PHC2: variants seen among roughly 807,000 people sequenced by gnomAD.
PHC2 encodes polyhomeotic-like protein 2.
Under a neutral mutation model 87.4 loss-of-function variants are expected in PHC2, and 29 were observed. The ratio of observed to expected loss-of-function variants is 0.33; its 90% CI spans 0.25 to 0.45. PHC2 has a LOEUF of 0.45. Ranked by LOEUF, PHC2 falls within the 20% of genes least tolerant of loss-of-function variation. The probability of loss-of-function intolerance (pLI) is 1.00; values close to 1 mark genes in which losing one functional copy is unlikely to be tolerated. For synonymous variants in PHC2, 438 were observed against 461.7 expected (o/e 0.95, Z 0.66); for missense variants, 857 against 1,136.7 (o/e 0.75, Z 3.54).
intron 1 of PHC2, among the ~76,000 whole-genome samples, chr1:33,414,704 T>A (rs372723247): frequency 6.6e-6 from 1 of 152,230 alleles, no homozygotes. Flanking sequence ...GTATGCTAGA[T>A]AGCAAGGTGG....
At chr1:33,346,586 G>A in intron 9 of PHC2, 1 of 985,152 alleles carries the variant, frequency 1.0e-6, no homozygotes, top group Non-Finnish European at 1.2e-6. Context: ...AAAAACTCTT[G>A]GTAAACACCG....
chr1:33,360,359 C>T (rs944782660), intron 7 of PHC2, among the ~76,000 whole-genome samples: 8 of 152,278 alleles, frequency 5.3e-5, no homozygotes, highest in Non-Finnish European at 1.2e-4. Flanking sequence ...TGCATCTCTG[C>T]CCCTACCCTG....
In PHC2 at chr1:33,363,708, C is replaced by A. The variant is rs374993046; in HGVS notation, c.976+3408G>T. 1.4e-5 allele frequency: 14 copies of A among 975,180 alleles called. No homozygotes were observed. In the African/African-American group the frequency reaches 2.3e-4, roughly 16 times the overall value. 60.4% of individuals were successfully genotyped at this position (975,180 alleles called of 1,614,324 possible). On this transcript the variant is annotated intron_variant, in intron 7 of 14. Transcript: ENST00000683057. ...CAGTTCCCTTTTATCACAGCATATC[C>A]CTCCCAGTCAGCAACTTTCTCCTCA...
intron 9 of PHC2, chr1:33,345,927 T>C (rs1248604400): frequency 1.0e-6 from 1 of 985,126 alleles, no homozygotes; most frequent in South Asian, 4.7e-5. Flanking sequence ...AGCCTACCTC[T>C]GTTTGAGTTG....
At position 33,331,657 on chromosome 1, in the gene PHC2, C is replaced by T. The variant is rs1490796016; in HGVS notation, c.1892-195G>A. 1 of 481,308 alleles carries T rather than the reference C, an allele frequency of 2.1e-6. No individual in the cohort carries two copies. The highest frequency in any genetic ancestry group is 3.7e-6 in the Non-Finnish European group (1 of 272,274). The allele number at this position is 481,308 out of a possible 1,614,324, so 29.8% of individuals were successfully genotyped here. A position where few individuals can be genotyped will look rare whatever the true frequency, so the allele number is the denominator to read the frequency against. ...ATGCACTCAAGGGTGTCTGGGGATG[C>T]CCCTTGTAGACTTGACATTTTTTTC... On this transcript the variant is annotated intron_variant, in intron 11 of 14. Coordinates refer to ENST00000683057, the MANE Select transcript of PHC2 (RefSeq NM_001385109.1). This position sits in a 1 kb window ranked among gnomAD's most constrained non-coding sequence, Gnocchi z 5.2.
chr1:33,370,356 T>C, intron 5 of PHC2, 65 bp downstream of exon 5: 1 of 1,495,262 alleles, frequency 6.7e-7, no homozygotes, highest in Middle Eastern at 2.0e-4. Context: ...AGCTCCCAGC[T>C]CCCAGCTTCT....
At chr1:33,393,577 AG>A (rs1381446311) in intron 1 of PHC2, among the ~76,000 whole-genome samples, 2 of 151,266 alleles carry the variant, frequency 1.3e-5, no homozygotes, top group Non-Finnish European at 2.9e-5. Flanking sequence ...TGTGTGGACC[AG>A]AACCATATGA....
At position 33,324,759 on chromosome 1, in the gene PHC2, C is replaced by A; in HGVS notation, c.*106G>T. On this transcript the variant is annotated 3_prime_UTR_variant, in exon 15 of 15. Coordinates refer to ENST00000683057, the MANE Select transcript of PHC2 (RefSeq NM_001385109.1). The stretch of plus-strand genomic sequence containing the variant: ...CACCAGCTATGCCCCTAGGGAGAGC[C>A]CCTGCCCTCCAACCGGCCCCATTTC... The A allele has an allele frequency of 2.4e-6, 3 of 1,267,910 alleles. No individual in the cohort carries two copies. Among genetic ancestry groups the A allele is most frequent in the South Asian group, 3.1e-5 (2 of 64,132 alleles). 78.5% of individuals were successfully genotyped at this position (1,267,910 alleles called of 1,614,324 possible). A position where few individuals can be genotyped will look rare whatever the true frequency, so the allele number is the denominator to read the frequency against.
At chr1:33,340,389 T>C (rs2148232076) in intron 9 of PHC2, among the ~76,000 whole-genome samples, 1 of 152,330 alleles carries the variant, frequency 6.6e-6, no homozygotes, top group East Asian at 1.9e-4. Context: ...GGGTGGTCTC[T>C]GCAGGGTTCC....
Position 33,382,493 on chromosome 1 carries a change from G to A in PHC2, c.-54-6900C>T, listed in dbSNP as rs577992293. Among the ~76,000 whole-genome samples, 6 of 151,836 alleles carry A rather than the reference G, an allele frequency of 4.0e-5. No homozygotes were observed. Among genetic ancestry groups the A allele is most frequent in the South Asian group, 2.1e-4 (1 of 4,798 alleles). On this transcript the variant is annotated intron_variant, in intron 1 of 14. Transcript: ENST00000683057. This position sits in a 1 kb window ranked among gnomAD's most constrained non-coding sequence, Gnocchi z 4.3. ...CTTCCCCAAGGCCACCCATCCCTGCGGACTCCCATTATAAATCACAGCCAA... is the reference window on the plus strand; with the variant it reads ...CTTCCCCAAGGCCACCCATCCCTGCAGACTCCCATTATAAATCACAGCCAA...
Position 33,354,409 on chromosome 1 carries a change from G to A in PHC2, c.1550C>T (p.Pro517Leu). The A allele has an allele frequency of 6.2e-7, 1 of 1,612,884 alleles. No individual in the cohort carries two copies. Among genetic ancestry groups the A allele is most frequent in the Non-Finnish European group, 8.5e-7 (1 of 1,179,540 alleles). The change falls in exon 9 of 15, where the codon CCA (proline) becomes CTA (leucine). Residue 517 changes from proline to leucine, a missense_variant. Coordinates refer to ENST00000683057, the MANE Select transcript of PHC2 (RefSeq NM_001385109.1). Reference sequence around the variant, plus strand: ...CCCACTGTGCTTCATACCGTGAGCTGGGGACGGCTGGATGTTAGGGCTCGT... The same window carrying A: ...CCCACTGTGCTTCATACCGTGAGCTAGGGACGGCTGGATGTTAGGGCTCGT... ...VPTSPNIQPS[P>L]AHETGQGIVH...
intron 9 of PHC2, among the ~76,000 whole-genome samples, chr1:33,343,329 G>C (rs923615908): frequency 6.6e-6 from 1 of 151,852 alleles, no homozygotes; most frequent in African/African-American, 2.4e-5. Flanking sequence ...AAATAACTGG[G>C]TGTGGTGGCG....
At chr1:33,397,522 G>A (rs78084455) in intron 1 of PHC2, among the ~76,000 whole-genome samples, 1 of 152,214 alleles carries the variant, frequency 6.6e-6, no homozygotes, top group Non-Finnish European at 1.5e-5. Context: ...GAAAGGTTAA[G>A]TAACTTGCTT....
chr1:33,392,379 T>A (rs1649106131), intron 1 of PHC2, among the ~76,000 whole-genome samples: 1 of 152,220 alleles, frequency 6.6e-6, no homozygotes, highest in Admixed American at 6.5e-5. Flanking sequence ...TTATGCCTCA[T>A]TCACATGCGC....
At chr1:33,420,974 C>CA (rs1209628799) in intron 1 of PHC2, among the ~76,000 whole-genome samples, 1 of 152,184 alleles carries the variant, frequency 6.6e-6, no homozygotes, top group Non-Finnish European at 1.5e-5. Flanking sequence ...GTACTTACCT[C>CA]AGAGTAGCTG....
rs1032660087 is a variant in PHC2 at position 33,332,985 on chromosome 1, C to T, written c.1762-581G>A. Among the ~76,000 whole-genome samples, 1 of 152,166 alleles carries T rather than the reference C, an allele frequency of 6.6e-6. No homozygotes were observed. Among genetic ancestry groups the T allele is most frequent in the Non-Finnish European group, 1.5e-5 (1 of 68,026 alleles). On this transcript the variant is annotated intron_variant, in intron 10 of 14. Transcript: ENST00000683057. The surrounding 1 kb of genome is among the most constrained non-coding windows in gnomAD (Gnocchi z 4.2). Reference sequence around the variant, plus strand: ...TACGCGTTTAGATCTCCTTTTGTGGCCTGTGTTTAGGCAGCCTGGTAGCCA... The same window carrying T: ...TACGCGTTTAGATCTCCTTTTGTGGTCTGTGTTTAGGCAGCCTGGTAGCCA...
In PHC2 at chr1:33,372,283, T is replaced by C; in HGVS notation, c.333+6A>G. On this transcript the variant is annotated splice_donor_region_variant and intron_variant, in intron 3 of 14. Coordinates refer to ENST00000683057, the MANE Select transcript of PHC2 (RefSeq NM_001385109.1). ...CACCAGCCTCAAGGTCCTTCCCAAGTCTCACCTGCTGTACGGCTGCCAGGC... is the reference window on the plus strand; with the variant it reads ...CACCAGCCTCAAGGTCCTTCCCAAGCCTCACCTGCTGTACGGCTGCCAGGC... 6.5e-7 allele frequency: 1 copy of C among 1,535,462 alleles called. No individual in the cohort carries two copies. The highest frequency in any genetic ancestry group is 8.8e-7 in the Non-Finnish European group (1 of 1,134,744).
chr1:33,356,277 G>GTATATATATATATATATGTA (rs1233308932), intron 7 of PHC2, among the ~76,000 whole-genome samples: 1 of 70,152 alleles, frequency 1.4e-5, no homozygotes, highest in Non-Finnish European at 3.1e-5. Flanking sequence ...ATATATATAT[G>GTATATATATATATATATGTA]TATATATATA....
chr1:33,408,786 A>G (rs1451710346), intron 1 of PHC2, among the ~76,000 whole-genome samples: 5 of 152,044 alleles, frequency 3.3e-5, no homozygotes, highest in Non-Finnish European at 7.4e-5. Context: ...GGTTTTAAGT[A>G]TATCTCTCAT....
Sources: allele counts gnomAD v4.1 joint callset (sites outside exome capture counted in the v4.1 genomes callset), GRCh38; gene constraint gnomAD v4.1.1; non-coding constraint Gnocchi (gnomAD v3.1); transcripts MANE v1.5; gene names NCBI Gene and HGNC (gene_info 2026-07-23, HGNC 2026-07-21).